The following TCTN1 variants were observed in gnomAD, a reference collection of about 807,000 sequenced individuals.
The protein encoded by TCTN1 is tectonic-1.
Under a neutral mutation model 65.8 loss-of-function variants are expected in TCTN1, and 58 were observed. The observed-to-expected ratio is 0.88, with a 90% CI of 0.71 to 1.10. TCTN1 has a LOEUF of 1.10. Ranked by LOEUF, TCTN1 falls within the 50% of genes least tolerant of loss-of-function variation. TCTN1 has a pLI of 0.00. For missense variants in TCTN1, 645 were observed against 719.4 expected, an observed-to-expected ratio of 0.90 and a Z score of 1.18; for synonymous variants, 273 against 289.1, an observed-to-expected ratio of 0.94 and a Z score of 0.57.
intron 1 of TCTN1, among the ~76,000 whole-genome samples, chr12:110,615,970 A>G (rs546113742): frequency 6.6e-6 from 1 of 152,338 alleles, no homozygotes; most frequent in Non-Finnish European, 1.5e-5. Flanking sequence ...TATATTTGCT[A>G]TTTTAATATA....
At chr12:110,618,478 A>T (rs1304069563) in intron 1 of TCTN1, among the ~76,000 whole-genome samples, 2 of 151,978 alleles carry the variant, frequency 1.3e-5, no homozygotes, top group Non-Finnish European at 1.5e-5. Context: ...TGACCTTGTG[A>T]TCCGCCTGCC....
At chr12:110,619,147 C>T (rs2065249115) in intron 1 of TCTN1, among the ~76,000 whole-genome samples, 2 of 152,002 alleles carry the variant, frequency 1.3e-5, no homozygotes, top group South Asian at 2.1e-4. Flanking sequence ...CATTGCACTC[C>T]AGCCTGGGCA....
Position 110,649,133 on chromosome 12 carries a change from G to T in TCTN1, c.*92G>T, listed in dbSNP as rs2067658101. 1 of 667,262 alleles carries T rather than the reference G, an allele frequency of 1.5e-6. No individual in the cohort carries two copies. The highest frequency in any genetic ancestry group is 2.9e-5 in the East Asian group (1 of 35,000). 41.3% of individuals were successfully genotyped at this position (667,262 alleles called of 1,614,324 possible). A position where few individuals can be genotyped will look rare whatever the true frequency, so the allele number is the denominator to read the frequency against. On this transcript the variant is annotated 3_prime_UTR_variant, in exon 15 of 15. Transcript: ENST00000397659. The stretch of plus-strand genomic sequence containing the variant: ...TAAATTTTATATACAACTAGCAATT[G>T]TCCAGCTTTGTTGCTCATTTTCAAT...
chr12:110,643,074 T>C (rs1261725735), intron 11 of TCTN1, among the ~76,000 whole-genome samples: 1 of 151,508 alleles, frequency 6.6e-6, no homozygotes, highest in African/African-American at 2.4e-5. Context: ...TTGAATTTTT[T>C]TTTTTTTTTG....
rs2067219078 is a variant in TCTN1 at position 110,645,227 on chromosome 12, T to C, written c.1494+98T>C. On this transcript the variant is annotated intron_variant, in intron 12 of 14. Coordinates refer to ENST00000397659, the MANE Select transcript of TCTN1 (RefSeq NM_001082538.3). ...GAAGCCAGCTGTTAAGGAGGCAGGA[T>C]GGCCCTGAGTGGGAGCGCGGGCTGA... 9 of 1,507,744 alleles carry C rather than the reference T, an allele frequency of 6.0e-6. No individual in the cohort carries two copies. In the East Asian group the frequency reaches 1.6e-4, roughly 27 times the overall value. 93.4% of individuals were successfully genotyped at this position (1,507,744 alleles called of 1,614,324 possible). A position where few individuals can be genotyped will look rare whatever the true frequency, so the allele number is the denominator to read the frequency against.
Position 110,647,350 on chromosome 12 carries a change from A to C in TCTN1, c.1635+14A>C. The C allele has an allele frequency of 6.2e-7, 1 of 1,614,122 alleles. No individual in the cohort carries two copies. The highest frequency in any genetic ancestry group is 8.5e-7 in the Non-Finnish European group (1 of 1,180,008). On this transcript the variant is annotated intron_variant, in intron 13 of 14. Transcript: ENST00000397659. ...TCCTTTCCTGAGGTAGGCCTAACCT[A>C]GTTTAAAGGCATAGGTTAAGACAGA...
intron 13 of TCTN1, 193 bp from the exon 14 acceptor site, chr12:110,647,556 A>G: frequency 9.8e-7 from 1 of 1,021,378 alleles, no homozygotes; most frequent in East Asian, 2.6e-5. Flanking sequence ...GAAAATTATG[A>G]TATTCACGTG....
intron 1 of TCTN1, chr12:110,616,251 TTTA>T: frequency 2.2e-6 from 1 of 450,350 alleles, no homozygotes; most frequent in Non-Finnish European, 4.4e-6. Context: ...GTCCTCACAC[TTTA>T]TTTTTTTTTT....
At chr12:110,615,163 C>G (rs1392539768) in intron 1 of TCTN1, among the ~76,000 whole-genome samples, 1 of 152,010 alleles carries the variant, frequency 6.6e-6, no homozygotes, top group Non-Finnish European at 1.5e-5. Context: ...TGGTGTAATC[C>G]TAGCTACTCG....
chr12:110,647,010 T>C, intron 12 of TCTN1, 186 bp from the exon 13 acceptor site: 1 of 673,980 alleles, frequency 1.5e-6, no homozygotes, highest in South Asian at 1.9e-5. Context: ...CTGTTAAAAA[T>C]ATTTTTGGGG....
intron 9 of TCTN1, 134 bp from the exon 10 acceptor site, chr12:110,641,408 G>T: frequency 1.0e-6 from 1 of 967,220 alleles, no homozygotes; most frequent in East Asian, 2.6e-5. Flanking sequence ...TGTATTTATA[G>T]TTCTGAGTAG....
chr12:110,647,838 T>C lies in TCTN1; in HGVS notation c.1725T>C (p.Ala575=), dbSNP rs752303235. 1 of 1,614,186 alleles carries C rather than the reference T, an allele frequency of 6.2e-7. No homozygotes were observed. The highest frequency in any genetic ancestry group is 1.1e-5 in the South Asian group (1 of 91,074). ...VSAPAEAGFR[A]PPAINARLPF... ...CACCTGCAGAGGCAGGCTTCAGAGC[T>C]CCACCAGCCATCAATGCCAGGCTGC... Residue 575 remains alanine, a synonymous_variant, in exon 14 of 15, where the codon GCT becomes GCC. Coordinates refer to ENST00000397659, the MANE Select transcript of TCTN1 (RefSeq NM_001082538.3).
intron 7 of TCTN1, among the ~76,000 whole-genome samples, chr12:110,638,946 A>G: frequency 6.6e-6 from 1 of 152,226 alleles, no homozygotes; most frequent in South Asian, 2.1e-4. Flanking sequence ...CACAGTGACT[A>G]GCATTGCCCT....
Position 110,618,610 on chromosome 12 carries a change from A to G in TCTN1, c.221-1226A>G, listed in dbSNP as rs192481044. Among the ~76,000 whole-genome samples, 139 of 152,144 alleles carry G rather than the reference A, an allele frequency of 9.1e-4. 1 individual carries two copies. Among genetic ancestry groups the G allele is most frequent in the Middle Eastern group, 3.4e-3 (1 of 294 alleles). ...GGGCAGTCTCAAACTCCTGACCTCA[A>G]GTGATCTGCCCGCCTCCCAAAGTGC... On this transcript the variant is annotated intron_variant, in intron 1 of 14. Coordinates refer to ENST00000397659, the MANE Select transcript of TCTN1 (RefSeq NM_001082538.3).
chr12:110,646,648 A>G (rs1355643208), intron 12 of TCTN1: 1 of 168,150 alleles, frequency 5.9e-6, no homozygotes, highest in Non-Finnish European at 1.3e-5. Flanking sequence ...TTCCTGATGC[A>G]GTTGAAGAGT....
intron 9 of TCTN1, among the ~76,000 whole-genome samples, 189 bp downstream of exon 9, chr12:110,641,338 AG>A (rs2066939168): frequency 1.3e-5 from 2 of 152,308 alleles, no homozygotes; most frequent in Middle Eastern, 6.8e-3. Context: ...TTTTGGGAAA[AG>A]ATTCCCTTCC....
rs1360205062 is a variant in TCTN1 at position 110,642,391 on chromosome 12, T to C, written c.1331+2T>C. On this transcript the variant is annotated splice_donor_variant, in intron 11 of 14. Coordinates refer to ENST00000397659, the MANE Select transcript of TCTN1 (RefSeq NM_001082538.3). LOFTEE classifies it high-confidence loss of function. ...TATGCAATCTGGCTGTAAACTAAGG[T>C]AAAAGAGTCACTTGTTTCTGTTTGA... 6.2e-7 allele frequency: 1 copy of C among 1,614,214 alleles called. No homozygotes were observed. Among genetic ancestry groups the C allele is most frequent in the Non-Finnish European group, 8.5e-7 (1 of 1,180,034 alleles).
In TCTN1 at chr12:110,647,759, G is replaced by T; in HGVS notation, c.1646G>T (p.Gly549Val). The change falls in exon 14 of 15, where the codon GGA (glycine) becomes GTA (valine). Residue 549 changes from glycine to valine, a missense_variant. Transcript: ENST00000397659. The stretch of plus-strand genomic sequence containing the variant: ...CTCTGTTTATTACAGGCCAACTCAG[G>T]AAATGAAAGGACGATTCTTATTTCC... ...ISSSFPEANS[G>V]NERTILISTA... 1.9e-6 allele frequency: 3 copies of T among 1,614,220 alleles called. No individual in the cohort carries two copies. Among genetic ancestry groups the T allele is most frequent in the Non-Finnish European group, 2.5e-6 (3 of 1,180,048 alleles).
In TCTN1 at chr12:110,644,820, G is replaced by A; in HGVS notation, c.1332-147G>A. ...GTTTGAGGCTGCAGGGAGCTATGAT[G>A]GTGCCACTGCACTCCAGCTTGGGCA... On this transcript the variant is annotated intron_variant, in intron 11 of 14. Transcript: ENST00000397659. This position sits in a 1 kb window ranked among gnomAD's most constrained non-coding sequence, Gnocchi z 4.6. 9.1e-6 allele frequency: 9 copies of A among 992,368 alleles called. No homozygotes were observed. The highest frequency in any genetic ancestry group is 1.1e-5 in the Non-Finnish European group (7 of 643,568). The allele number at this position is 992,368 out of a possible 1,614,324, so 61.5% of individuals were successfully genotyped here.
Sources: allele counts gnomAD v4.1 joint callset (sites outside exome capture counted in the v4.1 genomes callset), GRCh38; gene constraint gnomAD v4.1.1; non-coding constraint Gnocchi (gnomAD v3.1); transcripts MANE v1.5; gene names NCBI Gene and HGNC (gene_info 2026-07-23, HGNC 2026-07-21).